TNS3: variants seen among roughly 807,000 people sequenced by gnomAD.
The protein encoded by TNS3 is tensin-3.
Under a neutral mutation model 140.9 loss-of-function variants are expected in TNS3, and 45 were observed. The ratio of observed to expected loss-of-function variants is 0.32; its 90% confidence interval spans 0.25 to 0.41. The LOEUF is 0.41. Among genes scored for constraint, TNS3 ranks in the 10% least tolerant of loss-of-function variants. The probability of loss-of-function intolerance (pLI) is 1.00; values close to 1 mark genes in which losing one functional copy is unlikely to be tolerated. For missense variants in TNS3, 1,716 were observed against 1,906.7 expected (o/e 0.90, Z 1.86); for synonymous variants, 815 against 788.4 (o/e 1.03, Z -0.56).
In TNS3 at chr7:47,411,725, A is replaced by G. The variant is rs1793782757; in HGVS notation, c.723+2T>C. 1 of 1,610,160 alleles carries G rather than the reference A, an allele frequency of 6.2e-7. No homozygotes were observed. Among genetic ancestry groups the G allele is most frequent in the African/African-American group, 1.3e-5 (1 of 74,824 alleles). The stretch of plus-strand genomic sequence containing the variant: ...CCATCTGCGGCCACAGCGGGCACTC[A>G]CCATGACATCTCCCTTCAGAAGCTG... On this transcript the variant is annotated splice_donor_variant, in intron 13 of 30. Coordinates refer to ENST00000311160, the MANE Select transcript of TNS3 (RefSeq NM_022748.12). LOFTEE classifies it high-confidence loss of function.
At chr7:47,399,149 A>G (rs1175332355) in intron 15 of TNS3, among the ~76,000 whole-genome samples, 1 of 151,888 alleles carries the variant, frequency 6.6e-6, no homozygotes, top group Non-Finnish European at 1.5e-5. Context: ...GAGGAGAACT[A>G]CAAAACACTG....
At chr7:47,366,686 A>G (rs1202030832) in intron 17 of TNS3, among the ~76,000 whole-genome samples, 2 of 146,304 alleles carry the variant, frequency 1.4e-5, no homozygotes, top group East Asian at 2.0e-4. Context: ...CACTGAGTCC[A>G]CACCTCAGGG....
chr7:47,455,436 G>A (rs981231059), intron 4 of TNS3, among the ~76,000 whole-genome samples: 3 of 152,114 alleles, frequency 2.0e-5, no homozygotes, highest in Admixed American at 6.5e-5. Flanking sequence ...TTAACCTGGA[G>A]TTTATCCCAC....
At chr7:47,323,084 G>A (rs1329574254) in intron 20 of TNS3, among the ~76,000 whole-genome samples, 1 of 152,196 alleles carries the variant, frequency 6.6e-6, no homozygotes, top group Non-Finnish European at 1.5e-5. Context: ...GCCAGTCTAG[G>A]GCTGGAGGTA....
At chr7:47,524,808 CAAGAAAAAAAAAAAAAA>C (rs1340348046) in intron 2 of TNS3, among the ~76,000 whole-genome samples, 2 of 25,266 alleles carry the variant, frequency 7.9e-5, no homozygotes, top group Non-Finnish European at 9.7e-5. Context: ...GACTCCGTCT[CAAGAAAAAAAAAAAAAA>C]AAAAAAAAAA....
At chr7:47,285,061 G>A (rs564500894) in intron 27 of TNS3, among the ~76,000 whole-genome samples, 17 of 152,324 alleles carry the variant, frequency 1.1e-4, no homozygotes, top group Middle Eastern at 3.4e-3. Context: ...TGGCAGATGT[G>A]TTGGCAGGTG....
In TNS3 at chr7:47,305,664, A is replaced by C. The variant is rs546226991; in HGVS notation, c.2651-661T>G. Among the ~76,000 whole-genome samples, 6 of 152,370 alleles carry C rather than the reference A, an allele frequency of 3.9e-5. No individual in the cohort carries two copies. The South Asian group carries it at 1.2e-3, about 32-fold the overall frequency. On this transcript the variant is annotated intron_variant, in intron 20 of 30. Coordinates refer to ENST00000311160, the MANE Select transcript of TNS3 (RefSeq NM_022748.12). ...ACCCTCGCAGGTGGGCCAGAACGCA[A>C]ACCTGCTTGTGTCCCATGCCTGAGC...
At chr7:47,453,164 G>C in intron 4 of TNS3, 4 of 985,384 alleles carry the variant, frequency 4.1e-6, no homozygotes, top group South Asian at 4.7e-5. Context: ...AGGTGTGCCC[G>C]GCCCCACGGT....
Position 47,510,039 on chromosome 7 carries a change from C to T in TNS3, c.-152-3095G>A, listed in dbSNP as rs140656113. Among the ~76,000 whole-genome samples, 18 of 152,302 alleles carry T rather than the reference C, an allele frequency of 1.2e-4. No individual in the cohort carries two copies. In the East Asian group the frequency reaches 3.5e-3, roughly 29 times the overall value. On this transcript the variant is annotated intron_variant, in intron 2 of 30. Coordinates refer to ENST00000311160, the MANE Select transcript of TNS3 (RefSeq NM_022748.12). The stretch of plus-strand genomic sequence containing the variant: ...CTGCATGCGTATTGCCAAATTTCCA[C>T]CACACCCTGGAAAGAAGCTACCTAT...
intron 4 of TNS3, among the ~76,000 whole-genome samples, chr7:47,465,631 C>A (rs2151712744): frequency 6.6e-6 from 1 of 152,256 alleles, no homozygotes. Flanking sequence ...CAGTACATAT[C>A]TTTAAAAGTC....
chr7:47,340,265 G>C (rs913667915), intron 20 of TNS3, among the ~76,000 whole-genome samples: 1 of 150,550 alleles, frequency 6.6e-6, no homozygotes, highest in Non-Finnish European at 1.5e-5. Flanking sequence ...CGGGATTACA[G>C]GCACGCACTG....
intron 16 of TNS3, among the ~76,000 whole-genome samples, chr7:47,373,345 A>T (rs1205065817): frequency 6.6e-6 from 1 of 152,240 alleles, no homozygotes; most frequent in East Asian, 1.9e-4. Context: ...CAAAGATGCC[A>T]TCCATTTTTC....
intron 1 of TNS3, chr7:47,557,076 C>T (rs1407473444): frequency 2.2e-6 from 1 of 456,860 alleles, no homozygotes; most frequent in Admixed American, 2.3e-5. Context: ...CCATCTTCCA[C>T]CAGTTGGTGA....
chr7:47,330,705 G>A (rs573458234), intron 20 of TNS3, among the ~76,000 whole-genome samples: 1 of 152,246 alleles, frequency 6.6e-6, no homozygotes, highest in South Asian at 2.1e-4. Context: ...GTTGCCAGAG[G>A]GAGGTGAGAA....
chr7:47,500,239 C>T (rs1798161318), intron 3 of TNS3, among the ~76,000 whole-genome samples: 1 of 152,120 alleles, frequency 6.6e-6, no homozygotes, highest in South Asian at 2.1e-4. Context: ...TGTGCACGGC[C>T]GAGAGCTACC....
intron 20 of TNS3, among the ~76,000 whole-genome samples, chr7:47,322,305 C>T (rs1470907952): frequency 2.6e-5 from 4 of 151,118 alleles, no homozygotes; most frequent in Admixed American, 2.6e-4. Context: ...AGGCGGATCA[C>T]GAGGTCAGGA....
intron 6 of TNS3, among the ~76,000 whole-genome samples, chr7:47,437,745 T>TACAC (rs67341898): frequency 0.094 from 12,777 of 135,640 alleles, 708 homozygotes; most frequent in Non-Finnish European, 0.12. Context: ...ACATATAGGA[T>TACAC]ACACACACAC....
At chr7:47,302,164 G>A in intron 23 of TNS3, 22 bp downstream of exon 23, 1 of 1,601,892 alleles carries the variant, frequency 6.2e-7, no homozygotes, top group Non-Finnish European at 8.6e-7. Flanking sequence ...TGCCCAAGGA[G>A]GCCCTCATCC....
chr7:47,539,212 A>G (rs552092050), intron 1 of TNS3: 1 of 450,940 alleles, frequency 2.2e-6, no homozygotes, highest in South Asian at 1.6e-5. Context: ...GGCCAGGAGC[A>G]CAGGCCAGCC....
Sources: allele counts gnomAD v4.1 joint callset (sites outside exome capture counted in the v4.1 genomes callset), GRCh38; gene constraint gnomAD v4.1.1; transcripts MANE v1.5; gene names NCBI Gene and HGNC (gene_info 2026-07-23, HGNC 2026-07-21).